The following SLC7A9 variants were observed in gnomAD, a reference collection of about 807,000 sequenced individuals.
SLC7A9 encodes B(0,+)-type amino acid transporter 1.
Under a neutral mutation model 54.1 loss-of-function variants are expected in SLC7A9, and 38 were observed. The observed-to-expected ratio is 0.70, with a 90% CI of 0.54 to 0.92. The LOEUF (loss-of-function observed/expected upper bound fraction) is 0.92. SLC7A9 is among the 40% of genes least tolerant of loss of function. SLC7A9 has a pLI of 0.00. For missense variants in SLC7A9, 537 were observed against 636.1 expected, an observed-to-expected ratio of 0.84 and a Z score of 1.68; for synonymous variants, 264 against 258.9, an observed-to-expected ratio of 1.02 and a Z score of -0.19.
At chr19:32,836,527 G>A (rs1462507581) in intron 11 of SLC7A9, among the ~76,000 whole-genome samples, 2 of 152,048 alleles carry the variant, frequency 1.3e-5, no homozygotes, top group Non-Finnish European at 2.9e-5. Flanking sequence ...TTTCTTCATG[G>A]CATTAAAAGC....
intron 9 of SLC7A9, among the ~76,000 whole-genome samples, chr19:32,857,270 C>T (rs370872257): frequency 2.0e-5 from 3 of 151,774 alleles, no homozygotes; most frequent in Non-Finnish European, 2.9e-5. Context: ...ATGGTGAAAC[C>T]CCATCTTGAC....
At chr19:32,864,005 G>T in intron 4 of SLC7A9, 91 bp downstream of exon 4, 2 of 1,594,764 alleles carry the variant, frequency 1.3e-6, no homozygotes, top group Non-Finnish European at 1.7e-6. Context: ...GCTCTCACCA[G>T]AGACTCACTG....
At position 32,842,158 on chromosome 19, in the gene SLC7A9, G is replaced by T; in HGVS notation, c.1224+10C>A. 2.5e-6 allele frequency: 4 copies of T among 1,614,018 alleles called. No homozygotes were observed. Among genetic ancestry groups the T allele is most frequent in the Non-Finnish European group, 3.4e-6 (4 of 1,179,926 alleles). ...CAAAGCCACTCGTGACTCTGGGGCT[G>T]CAAGCTTACCTTGATAGGCCTTTCC... is the stretch of plus-strand genomic sequence containing the variant. On this transcript the variant is annotated intron_variant, in intron 11 of 12. Coordinates refer to ENST00000023064, the MANE Select transcript of SLC7A9 (RefSeq NM_014270.5).
intron 11 of SLC7A9, among the ~76,000 whole-genome samples, chr19:32,835,804 T>G (rs1337997053): frequency 6.6e-6 from 1 of 152,172 alleles, no homozygotes; most frequent in African/African-American, 2.4e-5. Flanking sequence ...TTTAATGTAA[T>G]GGAGCTTCCT....
chr19:32,831,672 T>G (rs1202357828), intron 12 of SLC7A9, among the ~76,000 whole-genome samples: 1 of 152,224 alleles, frequency 6.6e-6, no homozygotes, highest in African/African-American at 2.4e-5. Context: ...CAAAAGTGGC[T>G]ACTAACATAG....
intron 2 of SLC7A9, among the ~76,000 whole-genome samples, chr19:32,865,790 G>C (rs902435874): frequency 1.3e-5 from 2 of 152,088 alleles, no homozygotes; most frequent in Non-Finnish European, 2.9e-5. Context: ...GGCCAGCATG[G>C]AGAAACCCCG....
Position 32,859,718 on chromosome 19 carries a change from C to T in SLC7A9, c.873+123G>A, listed in dbSNP as rs896196875. 54 of 901,772 alleles carry T rather than the reference C, an allele frequency of 6.0e-5. No individual in the cohort carries two copies. The Middle Eastern group carries it at 9.7e-4, about 16-fold the overall frequency. 55.9% of individuals were successfully genotyped at this position (901,772 alleles called of 1,614,324 possible). A position where few individuals can be genotyped will look rare whatever the true frequency, so the allele number is the denominator to read the frequency against. On this transcript the variant is annotated intron_variant, in intron 8 of 12. Transcript: ENST00000023064. ...AGCTCCATGCCGTGCGTGCCCAGTC[C>T]ATGTCCCCGTCCGTGAATATCGCCC...
intron 5 of SLC7A9, 75 bp from the exon 6 acceptor site, chr19:32,862,292 G>T: frequency 2.1e-6 from 3 of 1,432,798 alleles, no homozygotes; most frequent in Non-Finnish European, 3.0e-6. Flanking sequence ...GGAAAGATGG[G>T]CATGATTGTG....
chr19:32,830,816 G>A, intron 12 of SLC7A9, 132 bp from the exon 13 acceptor site: 2 of 673,832 alleles, frequency 3.0e-6, no homozygotes, highest in South Asian at 3.1e-5. Context: ...TGCTCAGGAT[G>A]GCCAGCTTTC....
chr19:32,868,290 AGTCC>A (rs1969038154), intron 2 of SLC7A9, among the ~76,000 whole-genome samples, 154 bp downstream of exon 2: 1 of 151,984 alleles, frequency 6.6e-6, no homozygotes, highest in Non-Finnish European at 1.5e-5. Context: ...AAGAGAAGTA[AGTCC>A]AGAGATTATC....
intron 2 of SLC7A9, among the ~76,000 whole-genome samples, chr19:32,867,034 C>G (rs531984050): frequency 6.6e-6 from 1 of 152,328 alleles, no homozygotes; most frequent in African/African-American, 2.4e-5. Context: ...CCCAAGCTCC[C>G]TTTCCCTGCA....
At chr19:32,864,843 ACCCT>A (rs1968920041) in intron 2 of SLC7A9, 67 bp from the exon 3 acceptor site, 1 of 1,605,476 alleles carries the variant, frequency 6.2e-7, no homozygotes, top group Non-Finnish European at 8.5e-7. Context: ...GCCAGGTGCC[ACCCT>A]CCCTCGGTAC....
chr19:32,833,006 C>T (rs1442200435), intron 12 of SLC7A9, 143 bp downstream of exon 12: 28 of 812,226 alleles, frequency 3.4e-5, no homozygotes, highest in South Asian at 1.7e-4. Context: ...ACAGTGAGGG[C>T]GTGGGCATGT....
chr19:32,833,191 G>A lies in SLC7A9; in HGVS notation c.1357C>T (p.Leu453=), dbSNP rs1324783927. The change falls in exon 12 of 13, where the codon CTG becomes TTG. Residue 453 remains leucine (L), a synonymous_variant. Transcript: ENST00000023064. The part of the protein sequence containing the change: ...FILSGLLFYF[L]FVHYKFGWAQ... ...CATCCAAACTTGTAGTGGACAAACA[G>A]GAAGTAAAATAAAAGGCCGCTTAAT... 2.5e-6 allele frequency: 4 copies of A among 1,614,010 alleles called. No individual in the cohort carries two copies. Among genetic ancestry groups the A allele is most frequent in the Non-Finnish European group, 3.4e-6 (4 of 1,180,016 alleles).
chr19:32,845,797 C>T (rs1968271979), intron 9 of SLC7A9, among the ~76,000 whole-genome samples: 1 of 152,178 alleles, frequency 6.6e-6, no homozygotes, highest in Non-Finnish European at 1.5e-5. Context: ...CACTTGAGGT[C>T]AGGAGTTCGA....
chr19:32,843,849 A>G lies in SLC7A9; in HGVS notation c.1074+6T>C. The G allele has an allele frequency of 6.2e-7, 1 of 1,607,182 alleles. No individual in the cohort carries two copies. The highest frequency in any genetic ancestry group is 8.5e-7 in the Non-Finnish European group (1 of 1,173,762). On this transcript the variant is annotated splice_donor_region_variant and intron_variant, in intron 10 of 12. Coordinates refer to ENST00000023064, the MANE Select transcript of SLC7A9 (RefSeq NM_014270.5). ...AAGATAGGCTGGTAGCGGGATTTGT[A>G]CTCACATAAAAGATGATGGCGGGGG... is the stretch of plus-strand genomic sequence containing the variant.
rs143213759 is a variant in SLC7A9 at position 32,833,294 on chromosome 19, T to C, written c.1254A>G (p.Thr418=). The change falls in exon 12 of 13, where the codon ACA becomes ACG. Residue 418 remains threonine (T), a synonymous_variant. Coordinates refer to ENST00000023064, the MANE Select transcript of SLC7A9 (RefSeq NM_014270.5). The part of the protein sequence containing the change: ...KVPVVIPVLM[T]LISVFLVLAP... ...CCAGAACCAAAAACACAGAGATGAG[T>C]GTCATCAAGACGGGAATGACTACGG... The C allele has an allele frequency of 3.7e-6, 6 of 1,614,010 alleles. No individual in the cohort carries two copies. In the East Asian group the frequency reaches 6.7e-5, roughly 18 times the overall value.
At chr19:32,868,038 C>T (rs1439644269) in intron 2 of SLC7A9, among the ~76,000 whole-genome samples, 1 of 151,606 alleles carries the variant, frequency 6.6e-6, no homozygotes, top group African/African-American at 2.4e-5. Flanking sequence ...TGAGACCAGC[C>T]TGGCCAACAT....
Position 32,858,457 on chromosome 19 carries a change from G to C in SLC7A9, c.960C>G (p.Thr320=). Residue 320 remains threonine, a synonymous_variant, in exon 9 of 13, where the codon ACC becomes ACG. Transcript: ENST00000023064. The part of the protein sequence containing the change: ...AFSTIGAANG[T]CFTAGRLIYV... ...TCCCCTACCTGCCCGCTGTGAAGCA[G>C]GTCCCGTTAGCAGCACCGATGGTTG... 1.2e-6 allele frequency: 2 copies of C among 1,613,170 alleles called. No individual in the cohort carries two copies. The highest frequency in any genetic ancestry group is 1.7e-6 in the Non-Finnish European group (2 of 1,179,852).
Sources: allele counts gnomAD v4.1 joint callset (sites outside exome capture counted in the v4.1 genomes callset), GRCh38; gene constraint gnomAD v4.1.1; transcripts MANE v1.5; gene names NCBI Gene and HGNC (gene_info 2026-07-23, HGNC 2026-07-21).